The following MTUS2 variants were observed in gnomAD, a reference collection of about 807,000 sequenced individuals.
MTUS2 encodes the protein microtubule associated scaffold protein 2, also known as microtubule-associated tumor suppressor candidate 2.
Under a neutral mutation model 114.1 loss-of-function variants are expected in MTUS2, and 40 were observed. That is an observed-to-expected ratio of 0.35 (90% confidence interval 0.27 to 0.46). The LOEUF (loss-of-function observed/expected upper bound fraction) is 0.46. Ranked by LOEUF, MTUS2 falls within the 20% of genes least tolerant of loss-of-function variation. MTUS2 has a pLI of 1.00. For synonymous variants in MTUS2, 688 were observed against 672.0 expected, an observed-to-expected ratio of 1.02 and a Z score of -0.37; for missense variants, 1,679 against 1,705.4, an observed-to-expected ratio of 0.98 and a Z score of 0.27.
intron 5 of MTUS2, among the ~76,000 whole-genome samples, chr13:29,111,412 A>C (rs118175955): frequency 0.012 from 1,761 of 152,292 alleles, 17 homozygotes; most frequent in Non-Finnish European, 0.02. Flanking sequence ...TCTAATGCCG[A>C]GCATCTTGGA....
At chr13:29,141,477 C>G (rs1273130498) in intron 5 of MTUS2, among the ~76,000 whole-genome samples, 2 of 152,098 alleles carry the variant, frequency 1.3e-5, no homozygotes, top group African/African-American at 4.8e-5. Context: ...TTGATTGCAG[C>G]CTTGTGGTTA....
At chr13:29,304,835 A>C (rs992669659) in intron 6 of MTUS2, among the ~76,000 whole-genome samples, 3 of 152,204 alleles carry the variant, frequency 2.0e-5, no homozygotes, top group Non-Finnish European at 4.4e-5. Flanking sequence ...CAGAATATAC[A>C]TTCTTCTCAT....
intron 5 of MTUS2, among the ~76,000 whole-genome samples, chr13:29,165,426 A>G (rs925506173): frequency 1.3e-5 from 2 of 152,214 alleles, no homozygotes; most frequent in African/African-American, 4.8e-5. Context: ...ATCATTCTAC[A>G]GTAACTCTTG....
chr13:29,039,265 G>A (rs896408640), intron 4 of MTUS2, among the ~76,000 whole-genome samples: 13 of 152,226 alleles, frequency 8.5e-5, no homozygotes, highest in African/African-American at 3.1e-4. Flanking sequence ...TGACAACAGT[G>A]CAGTGGTAGG....
chr13:29,131,088 T>G (rs1474018754), intron 5 of MTUS2, among the ~76,000 whole-genome samples: 1 of 152,220 alleles, frequency 6.6e-6, no homozygotes, highest in Non-Finnish European at 1.5e-5. Flanking sequence ...TGACAGAAGA[T>G]TCAATGGGTC....
At chr13:29,460,272 C>A (rs59895574) in intron 9 of MTUS2, among the ~76,000 whole-genome samples, 2,799 of 152,190 alleles carry the variant, frequency 0.018, 76 homozygotes, top group African/African-American at 0.062. Flanking sequence ...AGTGCTGTGC[C>A]TCTCATGCAT....
intron 5 of MTUS2, among the ~76,000 whole-genome samples, chr13:29,258,553 T>C (rs1897357310): frequency 6.6e-6 from 1 of 152,198 alleles, no homozygotes; most frequent in African/African-American, 2.4e-5. Flanking sequence ...TTGGGAGACA[T>C]CCTAGCATAC....
chr13:29,148,627 C>T (rs1450708386), intron 5 of MTUS2, among the ~76,000 whole-genome samples: 6 of 114,962 alleles, frequency 5.2e-5, no homozygotes, highest in African/African-American at 1.6e-4. Flanking sequence ...TACAGGCGCC[C>T]GCCACCACGC....
At chr13:29,045,139 C>T (rs1404429056) in intron 4 of MTUS2, among the ~76,000 whole-genome samples, 3 of 152,098 alleles carry the variant, frequency 2.0e-5, no homozygotes, top group Admixed American at 6.6e-5. Context: ...CCTCTTAATA[C>T]GTAATATAAG....
Position 29,134,653 on chromosome 13 carries a change from A to G in MTUS2, c.2644+33683A>G, listed in dbSNP as rs140361923. On this transcript the variant is annotated intron_variant, in intron 5 of 15. Coordinates refer to ENST00000612955, the MANE Select transcript of MTUS2 (RefSeq NM_001033602.4). Reference sequence around the variant, plus strand: ...ACTGTTGTCACCCAGGCTGGAGTGCAATGGCACGGTCTTGGCTCACTGCAA... The same window carrying G: ...ACTGTTGTCACCCAGGCTGGAGTGCGATGGCACGGTCTTGGCTCACTGCAA... Among the ~76,000 whole-genome samples the G allele has an allele frequency of 4.4e-3, 676 of 152,292 alleles. 5 individuals carry two copies. The highest frequency in any genetic ancestry group is 0.015 in the African/African-American group (612 of 41,562).
intron 5 of MTUS2, among the ~76,000 whole-genome samples, chr13:29,210,892 G>A (rs1396324090): frequency 6.6e-6 from 1 of 152,160 alleles, no homozygotes; most frequent in Non-Finnish European, 1.5e-5. Context: ...CTGGATTAGT[G>A]TTGGTTGGCC....
chr13:29,299,194 A>T (rs1012373478), intron 6 of MTUS2, among the ~76,000 whole-genome samples: 1 of 152,208 alleles, frequency 6.6e-6, no homozygotes, highest in Non-Finnish European at 1.5e-5. Context: ...TGTCTACTTC[A>T]TCATTTGGAG....
At position 28,973,574 on chromosome 13, in the gene MTUS2, C is replaced by T. The variant is rs373666216; in HGVS notation, c.-242-50883C>T. Among the ~76,000 whole-genome samples, 37 of 152,280 alleles carry T rather than the reference C, an allele frequency of 2.4e-4. 1 individual carries two copies. The highest frequency in any genetic ancestry group is 7.7e-4 in the African/African-American group (32 of 41,550). On this transcript the variant is annotated intron_variant, in intron 2 of 15. Transcript: ENST00000612955. ...CTGCATCTTATTTGCAGGGCTCCCT[C>T]CTATTTTACCACATTTTAGCACTAG...
chr13:28,910,989 C>A (rs1332247759), intron 2 of MTUS2, among the ~76,000 whole-genome samples: 1 of 148,012 alleles, frequency 6.8e-6, no homozygotes, highest in East Asian at 2.0e-4. Context: ...CATTCTTCTG[C>A]CTCAGCCTCC....
intron 8 of MTUS2, among the ~76,000 whole-genome samples, chr13:29,408,587 G>A (rs1874968930): frequency 6.6e-6 from 1 of 152,108 alleles, no homozygotes; most frequent in South Asian, 2.1e-4. Flanking sequence ...CAAAGTGCTG[G>A]AATTACAGGT....
At chr13:29,342,063 T>C (rs1441396081) in intron 7 of MTUS2, among the ~76,000 whole-genome samples, 1 of 152,216 alleles carries the variant, frequency 6.6e-6, no homozygotes, top group Non-Finnish European at 1.5e-5. Context: ...CCTTAAAGTA[T>C]AGTTTGAAGT....
At chr13:28,899,008 C>G (rs946400941) in intron 2 of MTUS2, among the ~76,000 whole-genome samples, 1 of 152,186 alleles carries the variant, frequency 6.6e-6, no homozygotes, top group Non-Finnish European at 1.5e-5. Flanking sequence ...TTTTCAGTGT[C>G]TACCACAAAC....
chr13:29,042,513 G>T (rs2138563075), intron 4 of MTUS2, among the ~76,000 whole-genome samples: 1 of 152,120 alleles, frequency 6.6e-6, no homozygotes, highest in Non-Finnish European at 1.5e-5. Flanking sequence ...CTCTTTGTCT[G>T]TCTTTTGAAT....
At chr13:29,132,984 A>T (rs1393015431) in intron 5 of MTUS2, among the ~76,000 whole-genome samples, 1 of 150,820 alleles carries the variant, frequency 6.6e-6, no homozygotes, top group Non-Finnish European at 1.5e-5. Context: ...ACAAGTGCAC[A>T]AGGGTTCCAG....
Sources: allele counts gnomAD v4.1 joint callset (sites outside exome capture counted in the v4.1 genomes callset), GRCh38; gene constraint gnomAD v4.1.1; transcripts MANE v1.5; gene names NCBI Gene and HGNC (gene_info 2026-07-23, HGNC 2026-07-21).